Variants in ARFGEF1 observed in about 807,000 individuals in gnomAD.
The protein encoded by ARFGEF1 is brefeldin A-inhibited guanine nucleotide-exchange protein 1.
Under a neutral mutation model 231.0 loss-of-function variants are expected in ARFGEF1, and 42 were observed. The ratio of observed to expected loss-of-function variants is 0.18; its 90% confidence interval spans 0.14 to 0.24. ARFGEF1 has a LOEUF of 0.24. ARFGEF1 is among the 10% of genes least tolerant of loss of function. The pLI is 1.00. For synonymous variants in ARFGEF1, 710 were observed against 732.3 expected, an observed-to-expected ratio of 0.97 and a Z score of 0.49; for missense variants, 1,345 against 2,192.0, an observed-to-expected ratio of 0.61 and a Z score of 7.72.
chr8:67,295,280 G>C (rs796665646), intron 5 of ARFGEF1, among the ~76,000 whole-genome samples: 4 of 152,184 alleles, frequency 2.6e-5, no homozygotes, highest in African/African-American at 9.6e-5. Context: ...AACAGTATTT[G>C]CACTGTCTTA....
chr8:67,179,821 A>G (rs192022535), intron 5 of ARFGEF1: 6 of 1,405,684 alleles, frequency 4.3e-6, no homozygotes, highest in African/African-American at 2.8e-5. Context: ...GTTTTTGTAC[A>G]CAAAACTAAT....
Position 67,343,255 on chromosome 8 carries a change from G to T in ARFGEF1, c.33C>A (p.Phe11Leu), listed in dbSNP as rs1453859318. The T allele has an allele frequency of 6.2e-7, 1 of 1,613,950 alleles. No individual in the cohort carries two copies. Among genetic ancestry groups the T allele is most frequent in the Non-Finnish European group, 8.5e-7 (1 of 1,179,854 alleles). Residue 11 changes from phenylalanine (F) to leucine (L), a missense_variant, in exon 1 of 39, where the codon TTC becomes TTA. Phe to Leu is a conservative substitution (Grantham distance 22). Around this residue, in one of 14 missense-constraint regions of ARFGEF1, gnomAD observed 398 missense variants for 463.2 expected, o/e 0.86. Transcript: ENST00000262215. MYEGKKTKNM[F>L]LTRALEKILA... is the part of the protein sequence containing the mutation. ...ATATCTTCTCCAGAGCCCGGGTCAG[G>T]AACATGTTCTTCGTCTTCTTCCCCT...
chr8:67,240,146 C>G lies in ARFGEF1; in HGVS notation c.2979+16G>C. The stretch of plus-strand genomic sequence containing the variant: ...TAATGTTCCAAACTGGCTACAAAGA[C>G]AAAATTCTCTGTTACCTGAATGCTG... On this transcript the variant is annotated intron_variant, in intron 20 of 38. Transcript: ENST00000262215. 2 of 1,605,502 alleles carry G rather than the reference C, an allele frequency of 1.2e-6. No individual in the cohort carries two copies. The highest frequency in any genetic ancestry group is 4.5e-5 in the East Asian group (2 of 44,502).
chr8:67,218,019 G>A lies in ARFGEF1; in HGVS notation c.4458C>T (p.Tyr1486=). 1 of 1,611,636 alleles carries A rather than the reference G, an allele frequency of 6.2e-7. No homozygotes were observed. The highest frequency in any genetic ancestry group is 8.5e-7 in the Non-Finnish European group (1 of 1,178,898). The change falls in exon 31 of 39, where the codon TAC becomes TAT. Residue 1486 remains tyrosine (Y), a synonymous_variant. Transcript: ENST00000262215. Reference sequence around the variant, plus strand: ...CAGACCTACCTTGCTGCACACACCAGTAGAGCTGAGCAAAAATGTCATCCA... The same window carrying A: ...CAGACCTACCTTGCTGCACACACCAATAGAGCTGAGCAAAAATGTCATCCA... ...VLLDDIFAQL[Y]WCVQQDNEQL...
chr8:67,194,997 G>C (rs370106104), downstream of ARFGEF1, among the ~76,000 whole-genome samples: 154 of 152,144 alleles, frequency 1.0e-3, 5 homozygotes, highest in South Asian at 0.031. Context: ...AAAGAAAAAA[G>C]AAAGAAATTT....
chr8:67,336,815 A>T (rs958852569), intron 1 of ARFGEF1, among the ~76,000 whole-genome samples: 9 of 151,906 alleles, frequency 5.9e-5, no homozygotes, highest in South Asian at 4.1e-4. Context: ...TTTCTTTGAT[A>T]AAAAAACCTC....
chr8:67,286,241 T>C (rs1022554749), intron 7 of ARFGEF1, among the ~76,000 whole-genome samples: 1 of 152,200 alleles, frequency 6.6e-6, no homozygotes, highest in Non-Finnish European at 1.5e-5. Flanking sequence ...TAAAGATACA[T>C]AAAGTAAACA....
chr8:67,217,647 T>C lies in ARFGEF1; in HGVS notation c.4613+135A>G, dbSNP rs1490952242. 1.5e-5 allele frequency: 14 copies of C among 929,012 alleles called. No homozygotes were observed. In the East Asian group the frequency reaches 1.8e-4, roughly 12 times the overall value. The allele number at this position is 929,012 out of a possible 1,614,324, so 57.5% of individuals were successfully genotyped here. A position where few individuals can be genotyped will look rare whatever the true frequency, so the allele number is the denominator to read the frequency against. ...TTGGTTTGTAATAAATCTAAATCCA[T>C]GTAAGAGTAAGACAAGCTTAAAAGG... On this transcript the variant is annotated intron_variant, in intron 32 of 38. Coordinates refer to ENST00000262215, the MANE Select transcript of ARFGEF1 (RefSeq NM_006421.5).
chr8:67,193,646 A>G (rs1419794661), downstream of ARFGEF1: 15 of 1,544,326 alleles, frequency 9.7e-6, no homozygotes, highest in Admixed American at 1.7e-5. Flanking sequence ...TCCTGTATGA[A>G]CTTTTAAACT....
chr8:67,212,234 C>T (rs1360206875), intron 33 of ARFGEF1, among the ~76,000 whole-genome samples: 2 of 152,140 alleles, frequency 1.3e-5, no homozygotes, highest in Non-Finnish European at 2.9e-5. Context: ...AGGCATGCAC[C>T]ACCATGCCCG....
At chr8:67,326,592 C>G (rs77433446) in intron 1 of ARFGEF1, among the ~76,000 whole-genome samples, 2 of 152,112 alleles carry the variant, frequency 1.3e-5, no homozygotes, top group African/African-American at 4.8e-5. Flanking sequence ...TAGGTTCTCT[C>G]AAAAATACTT....
intron 1 of ARFGEF1, among the ~76,000 whole-genome samples, chr8:67,307,118 C>T (rs1275003379): frequency 6.6e-6 from 1 of 152,240 alleles, no homozygotes; most frequent in Non-Finnish European, 1.5e-5. Context: ...AGAACCTACA[C>T]ATCCAAAGCA....
chr8:67,217,644 C>A, intron 32 of ARFGEF1, 138 bp downstream of exon 32: 1 of 900,718 alleles, frequency 1.1e-6, no homozygotes. Flanking sequence ...AAATCTAAAT[C>A]CATGTAAGAG....
At chr8:67,225,961 A>C (rs1056831523) in intron 28 of ARFGEF1, 62 bp downstream of exon 28, 44 of 1,458,916 alleles carry the variant, frequency 3.0e-5, no homozygotes, top group Non-Finnish European at 3.9e-5. Context: ...TCCCAAACAA[A>C]CTTAAGATTT....
chr8:67,339,063 A>C (rs2128938405), intron 1 of ARFGEF1, among the ~76,000 whole-genome samples: 1 of 152,336 alleles, frequency 6.6e-6, no homozygotes, highest in Non-Finnish European at 1.5e-5. Context: ...CAAGTTCTGA[A>C]AAGTTTGAGT....
chr8:67,287,393 C>A (rs1019354970), intron 7 of ARFGEF1, among the ~76,000 whole-genome samples: 2 of 152,152 alleles, frequency 1.3e-5, no homozygotes, highest in African/African-American at 2.4e-5. Flanking sequence ...GGAGCATGTA[C>A]CTGATTTTCT....
At chr8:67,225,177 A>G in intron 28 of ARFGEF1, 144 bp from the exon 29 acceptor site, 3 of 764,834 alleles carry the variant, frequency 3.9e-6, no homozygotes, top group Non-Finnish European at 5.5e-6. Context: ...AATGGACACT[A>G]TAACTGCCTA....
At chr8:67,323,792 C>T (rs1318423831) in intron 1 of ARFGEF1, among the ~76,000 whole-genome samples, 1 of 151,858 alleles carries the variant, frequency 6.6e-6, no homozygotes, top group African/African-American at 2.4e-5. Flanking sequence ...AGTTCTGAAT[C>T]CCAGAAATCT....
At chr8:67,294,416 C>A (rs1806142565) in intron 5 of ARFGEF1, among the ~76,000 whole-genome samples, 1 of 152,068 alleles carries the variant, frequency 6.6e-6, no homozygotes, top group Non-Finnish European at 1.5e-5. Context: ...AAGAAAGGAA[C>A]TAATCTAAGT....
Sources: allele counts gnomAD v4.1 joint callset (sites outside exome capture counted in the v4.1 genomes callset), GRCh38; gene constraint gnomAD v4.1.1; regional missense constraint gnomAD v4.1.1; transcripts MANE v1.5; gene names NCBI Gene and HGNC (gene_info 2026-07-23, HGNC 2026-07-21).